The following ZZEF1 variants were observed in gnomAD, a reference collection of about 807,000 sequenced individuals.
The protein encoded by ZZEF1 is zinc finger ZZ-type and EF-hand domain containing 1.
In ZZEF1, 157 loss-of-function variants were observed where a neutral mutation model predicts 342.8. The ratio of observed to expected loss-of-function variants is 0.46; its 90% CI spans 0.40 to 0.52. The LOEUF (loss-of-function observed/expected upper bound fraction) is 0.52, where lower values mean the gene tolerates loss of function less well. Ranked by LOEUF, ZZEF1 falls within the 20% of genes least tolerant of loss-of-function variation. ZZEF1 has a pLI of 0.00. For synonymous variants in ZZEF1, 1,505 were observed against 1,429.1 expected (o/e 1.05, Z -1.20); for missense variants, 3,480 against 3,725.6 (o/e 0.93, Z 1.72).
intron 34 of ZZEF1, among the ~76,000 whole-genome samples, chr17:4,052,875 G>C (rs1043681625): frequency 5.1e-5 from 7 of 137,646 alleles, no homozygotes; most frequent in East Asian, 2.0e-4. Context: ...TCGGGAGGGC[G>C]GCGGGGGAGA....
At chr17:4,057,143 G>A in intron 32 of ZZEF1, among the ~76,000 whole-genome samples, 1 of 152,186 alleles carries the variant, frequency 6.6e-6, no homozygotes, top group East Asian at 1.9e-4. Context: ...TGTAAAGGGC[G>A]CGCTTCCTTC....
chr17:4,044,333 G>C lies in ZZEF1; in HGVS notation c.6057C>G (p.Phe2019Leu), dbSNP rs141838744. 18 of 1,613,948 alleles carry C rather than the reference G, an allele frequency of 1.1e-5. No individual in the cohort carries two copies. The highest frequency in any genetic ancestry group is 1.4e-5 in the Non-Finnish European group (17 of 1,179,942). Reference protein sequence around the residue: ...AVHEEIRPVDFKQRNKADKGV... With the variant: ...AVHEEIRPVDLKQRNKADKGV... ...CTTTATCTGCCTTATTTCTCTGCTTGAAATCTACAGGTCTGATTTCCTCAT... is the reference window on the plus strand; with the variant it reads ...CTTTATCTGCCTTATTTCTCTGCTTCAAATCTACAGGTCTGATTTCCTCAT... Residue 2019 changes from phenylalanine (F) to leucine (L), a missense_variant, in exon 38 of 55, where the codon TTC (phenylalanine) becomes TTG (leucine). Transcript: ENST00000381638.
Position 4,019,754 on chromosome 17 carries a change from G to A in ZZEF1, c.7420C>T (p.Leu2474Phe). The change falls in exon 46 of 55, where the codon CTC (leucine) becomes TTC (phenylalanine). Residue 2474 changes from leucine (L) to phenylalanine (F), a missense_variant. Around this residue, in one of 5 missense-constraint regions of ZZEF1, gnomAD observed 1,269 missense variants for 1,342.4 expected, o/e 0.95. Transcript: ENST00000381638. ...CGGAGAATGTGCAGAGGGGCATTGA[G>A]GGCATCATGAGCCATCTGGAGGCCA... ...RICFLMAHDA[L>F]NAPLHILRAI... The A allele has an allele frequency of 6.2e-7, 1 of 1,610,402 alleles. No individual in the cohort carries two copies. The highest frequency in any genetic ancestry group is 8.5e-7 in the Non-Finnish European group (1 of 1,179,002).
Position 4,075,428 on chromosome 17 carries a change from A to G in ZZEF1, c.3236T>C (p.Leu1079Pro), listed in dbSNP as rs756243522. ...CSGPEGGLRK[L>P]DVETWQQEQP... The stretch of plus-strand genomic sequence containing the variant: ...TTCCTGTTGCCAGGTCTCAACATCC[A>G]GCTATGATAACAAATGAGCCAGGGG... Residue 1079 changes from leucine to proline, a missense_variant and splice_region_variant, in exon 22 of 55, where the codon CTG (leucine) becomes CCG (proline). By Grantham distance (98) the Leu-to-Pro change is moderately conservative. Transcript: ENST00000381638. The G allele has an allele frequency of 1.9e-6, 3 of 1,613,454 alleles. No individual in the cohort carries two copies. In the South Asian group the frequency reaches 3.3e-5, roughly 18 times the overall value.
At chr17:4,116,023 A>G (rs1380608294) in intron 3 of ZZEF1, among the ~76,000 whole-genome samples, 1 of 152,206 alleles carries the variant, frequency 6.6e-6, no homozygotes, top group Non-Finnish European at 1.5e-5. Context: ...AATGGAATGT[A>G]TTAAGAATCT....
intron 6 of ZZEF1, among the ~76,000 whole-genome samples, chr17:4,108,396 A>G (rs1747103785): frequency 6.6e-6 from 1 of 152,248 alleles, no homozygotes; most frequent in African/African-American, 2.4e-5. Context: ...GTAATTTTCA[A>G]AAGTATCAGG....
chr17:4,070,334 T>C (rs2145267924), intron 26 of ZZEF1, among the ~76,000 whole-genome samples: 1 of 152,288 alleles, frequency 6.6e-6, no homozygotes, highest in African/African-American at 2.4e-5. Context: ...TGCAGAAAGG[T>C]CGTCTGATTA....
chr17:4,026,708 C>T lies in ZZEF1; in HGVS notation c.6893-1590G>A, dbSNP rs139679004. 2.0e-4 allele frequency among the ~76,000 whole-genome samples: 31 copies of T among 151,830 alleles called. No homozygotes were observed. The East Asian group carries it at 5.2e-3, about 26-fold the overall frequency. ...GATATTTTTGTATTTTTAGTAGAGA[C>T]GGGGTTTTACCATGCTGGCCAGGCT... On this transcript the variant is annotated intron_variant, in intron 42 of 54. Coordinates refer to ENST00000381638, the MANE Select transcript of ZZEF1 (RefSeq NM_015113.4).
At position 4,086,749 on chromosome 17, in the gene ZZEF1, C is replaced by T. The variant is rs529995357; in HGVS notation, c.2343-94G>A. 4.7e-6 allele frequency: 6 copies of T among 1,285,638 alleles called. No individual in the cohort carries two copies. The African/African-American group carries it at 7.3e-5, about 16-fold the overall frequency. The allele number at this position is 1,285,638 out of a possible 1,614,324, so 79.6% of individuals were successfully genotyped here. On this transcript the variant is annotated intron_variant, in intron 14 of 54. Transcript: ENST00000381638. ...TGTCTACAAAGGACTTTCCTCTAGGCATCAGGCTCGATGAAAATAATGCCA... is the reference window on the plus strand; with the variant it reads ...TGTCTACAAAGGACTTTCCTCTAGGTATCAGGCTCGATGAAAATAATGCCA...
In ZZEF1 at chr17:4,064,844, G is replaced by T; in HGVS notation, c.4250-15C>A. Reference sequence around the variant, plus strand: ...GCACTCTTTTGCTAGATGCAAACAAGAATCATAATTGAAAAAAAAAAAAGT... The same window carrying T: ...GCACTCTTTTGCTAGATGCAAACAATAATCATAATTGAAAAAAAAAAAAGT... On this transcript the variant is annotated splice_polypyrimidine_tract_variant and intron_variant, in intron 28 of 54. Coordinates refer to ENST00000381638, the MANE Select transcript of ZZEF1 (RefSeq NM_015113.4). The T allele has an allele frequency of 5.2e-5, 44 of 838,442 alleles. No individual in the cohort carries two copies. Among genetic ancestry groups the T allele is most frequent in the Non-Finnish European group, 6.0e-5 (37 of 615,952 alleles). The allele number at this position is 838,442 out of a possible 1,614,324, so 51.9% of individuals were successfully genotyped here. A position where few individuals can be genotyped will look rare whatever the true frequency, so the allele number is the denominator to read the frequency against.
intron 15 of ZZEF1, 96 bp from the exon 16 acceptor site, chr17:4,085,899 T>C: frequency 6.8e-7 from 1 of 1,468,906 alleles, no homozygotes; most frequent in Non-Finnish European, 9.3e-7. Context: ...CTCTCCATTT[T>C]GTACTTAATA....
intron 33 of ZZEF1, among the ~76,000 whole-genome samples, chr17:4,054,672 A>G (rs2057118776): frequency 6.6e-6 from 1 of 152,210 alleles, no homozygotes. Flanking sequence ...GAAGAGAGAA[A>G]GGTTAAACCA....
intron 12 of ZZEF1, among the ~76,000 whole-genome samples, chr17:4,090,494 C>T (rs923766658): frequency 6.6e-6 from 1 of 152,192 alleles, no homozygotes; most frequent in Non-Finnish European, 1.5e-5. Context: ...GAGAAGCTTT[C>T]GAGTTACATA....
Position 4,115,090 on chromosome 17 carries a change from C to G in ZZEF1, c.695-620G>C, listed in dbSNP as rs150560514. Among the ~76,000 whole-genome samples, 51 of 152,178 alleles carry G rather than the reference C, an allele frequency of 3.4e-4. No homozygotes were observed. The East Asian group carries it at 9.5e-3, about 28-fold the overall frequency. ...AGGCTGGAGTGCAGTGGTGTGATCA[C>G]AGCTCACCGCAGCCTCGATCTCCTA... On this transcript the variant is annotated intron_variant, in intron 3 of 54. Transcript: ENST00000381638.
chr17:4,052,748 T>G (rs2057076677), intron 34 of ZZEF1, among the ~76,000 whole-genome samples: 1 of 152,012 alleles, frequency 6.6e-6, no homozygotes, highest in African/African-American at 2.4e-5. Flanking sequence ...GCACCTGTAC[T>G]CCCAGCTACT....
rs150786088 is a variant in ZZEF1, at chr17:4,099,257, C to T, written c.1673-2557G>A. Among the ~76,000 whole-genome samples the T allele has an allele frequency of 8.9e-4, 136 of 152,270 alleles. 1 individual carries two copies. The highest frequency in any genetic ancestry group is 3.0e-3 in the African/African-American group (125 of 41,560). Reference sequence around the variant, plus strand: ...TTTGTTTTTTAGACACAGGGTCTCGCTCTGTTGCCCAGGCTGGAGTGCAGT... The same window carrying T: ...TTTGTTTTTTAGACACAGGGTCTCGTTCTGTTGCCCAGGCTGGAGTGCAGT... On this transcript the variant is annotated intron_variant, in intron 9 of 54. Coordinates refer to ENST00000381638, the MANE Select transcript of ZZEF1 (RefSeq NM_015113.4).
chr17:4,116,780 G>A (rs142813837), intron 3 of ZZEF1, among the ~76,000 whole-genome samples, 192 bp downstream of exon 3: 13 of 152,306 alleles, frequency 8.5e-5, no homozygotes, highest in African/African-American at 2.6e-4. Flanking sequence ...TCTGAGCAGA[G>A]AATTGAATGA....
At chr17:4,051,935 T>C in intron 35 of ZZEF1, 36 bp downstream of exon 35, 1 of 1,578,582 alleles carries the variant, frequency 6.3e-7, no homozygotes, top group South Asian at 1.2e-5. Flanking sequence ...AACGTGTAAA[T>C]AAAAGGCTTG....
At chr17:4,141,536 A>G (rs968410910) in intron 1 of ZZEF1, among the ~76,000 whole-genome samples, 1 of 152,144 alleles carries the variant, frequency 6.6e-6, no homozygotes, top group East Asian at 1.9e-4. Flanking sequence ...AAAACAAAAA[A>G]TAGGGTGCGG....
Sources: allele counts gnomAD v4.1 joint callset (sites outside exome capture counted in the v4.1 genomes callset), GRCh38; gene constraint gnomAD v4.1.1; regional missense constraint gnomAD v4.1.1; transcripts MANE v1.5; gene names NCBI Gene and HGNC (gene_info 2026-07-23, HGNC 2026-07-21).